The following BCAS3 variants were observed in gnomAD, a reference collection of about 807,000 sequenced individuals.
BCAS3 encodes BCAS3 microtubule associated cell migration factor, also known as BCAS4/BCAS3 fusion.
In BCAS3, 53 loss-of-function variants were observed where a neutral mutation model predicts 116.1. The observed-to-expected ratio is 0.46, with a 90% confidence interval of 0.37 to 0.57. The LOEUF (loss-of-function observed/expected upper bound fraction) is 0.57, where lower values mean the gene tolerates loss of function less well. Among genes scored for constraint, BCAS3 ranks in the 20% least tolerant of loss-of-function variants. The pLI, the probability that BCAS3 is intolerant of heterozygous loss-of-function variation, is 0.00. For synonymous variants in BCAS3, 391 were observed against 408.2 expected (o/e 0.96, Z 0.51); for missense variants, 917 against 1,165.4 (o/e 0.79, Z 3.10).
chr17:61,133,408 A>C (rs1026443597), intron 22 of BCAS3, among the ~76,000 whole-genome samples: 1 of 152,172 alleles, frequency 6.6e-6, no homozygotes, highest in Non-Finnish European at 1.5e-5. Flanking sequence ...CAAGTTCTGT[A>C]GGAAAAAACA....
intron 19 of BCAS3, among the ~76,000 whole-genome samples, chr17:61,052,899 G>A (rs1314560181): frequency 6.6e-6 from 1 of 151,280 alleles, no homozygotes; most frequent in Non-Finnish European, 1.5e-5. Context: ...TTTATTTTTA[G>A]TAGGGACAGG....
chr17:61,292,202 AC>A (rs2144707999), intron 22 of BCAS3, among the ~76,000 whole-genome samples: 1 of 152,174 alleles, frequency 6.6e-6, no homozygotes, highest in East Asian at 1.9e-4. Flanking sequence ...TTCTAGGATC[AC>A]CCCAATGTTT....
At chr17:61,373,826 T>C (rs1204238914) in intron 23 of BCAS3, among the ~76,000 whole-genome samples, 49 of 141,544 alleles carry the variant, frequency 3.5e-4, no homozygotes, top group Non-Finnish European at 6.1e-4. Flanking sequence ...TTTTTTTTTT[T>C]TTGCTCTGTC....
At chr17:61,193,512 C>G (rs1339946273) in intron 22 of BCAS3, among the ~76,000 whole-genome samples, 1 of 152,006 alleles carries the variant, frequency 6.6e-6, no homozygotes, top group Non-Finnish European at 1.5e-5. Flanking sequence ...AATCCCAGCA[C>G]TTTGGGAGGC....
At chr17:60,867,413 G>GT (rs1215375578) in intron 7 of BCAS3, among the ~76,000 whole-genome samples, 1 of 151,780 alleles carries the variant, frequency 6.6e-6, no homozygotes, top group Non-Finnish European at 1.5e-5. Flanking sequence ...GCCTACGTAG[G>GT]TTTTTAAAAA....
At chr17:61,268,836 G>A (rs930879434) in intron 22 of BCAS3, among the ~76,000 whole-genome samples, 1 of 152,120 alleles carries the variant, frequency 6.6e-6, no homozygotes, top group Non-Finnish European at 1.5e-5. Context: ...GGGATTACAG[G>A]CGTGAGCCAC....
chr17:61,040,992 C>G (rs986945298), intron 19 of BCAS3, 100 bp downstream of exon 19: 1 of 953,472 alleles, frequency 1.0e-6, no homozygotes, highest in Non-Finnish European at 1.6e-6. Flanking sequence ...GTCCATAGGC[C>G]ATGGGCCTTA....
In BCAS3 at chr17:61,026,113, C is replaced by G. The variant is rs1039402497; in HGVS notation, c.1638-8553C>G. Among the ~76,000 whole-genome samples the G allele has an allele frequency of 2.2e-4, 33 of 152,048 alleles. No individual in the cohort carries two copies. The highest frequency in any genetic ancestry group is 7.4e-5 in the Non-Finnish European group (5 of 67,942). The stretch of plus-strand genomic sequence containing the variant: ...CATGGCATATCTTAAATGCTAGGAA[C>G]AGAATTTTGAGAAGAAATATGTATA... On this transcript the variant is annotated intron_variant, in intron 16 of 23. Transcript: ENST00000407086. The surrounding 1 kb of genome is among the most constrained non-coding windows in gnomAD (Gnocchi z 5.0).
At chr17:60,793,449 G>A (rs59773459) in intron 6 of BCAS3, among the ~76,000 whole-genome samples, 2,041 of 152,012 alleles carry the variant, frequency 0.013, 50 homozygotes, top group African/African-American at 0.047. Flanking sequence ...GTGGTATTTG[G>A]TTACATGAGT....
intron 22 of BCAS3, among the ~76,000 whole-genome samples, chr17:61,284,681 C>G (rs1171593322): frequency 6.6e-6 from 1 of 150,470 alleles, no homozygotes; most frequent in Non-Finnish European, 1.5e-5. Context: ...TTTTTTCCCT[C>G]CTGCTGTTTA....
intron 6 of BCAS3, among the ~76,000 whole-genome samples, chr17:60,800,104 A>C (rs778825485): frequency 1.3e-5 from 2 of 152,054 alleles, no homozygotes; most frequent in Admixed American, 6.6e-5. Flanking sequence ...AAGTACTGTG[A>C]TTGCTGGGAT....
At chr17:60,712,376 G>T (rs2038041864) in intron 5 of BCAS3, among the ~76,000 whole-genome samples, 1 of 145,730 alleles carries the variant, frequency 6.9e-6, no homozygotes, top group Admixed American at 6.6e-5. Context: ...ATCTTGTCTT[G>T]GGAAGGAAAA....
chr17:60,839,582 A>G (rs1383237689), intron 7 of BCAS3, among the ~76,000 whole-genome samples: 1 of 152,152 alleles, frequency 6.6e-6, no homozygotes, highest in African/African-American at 2.4e-5. Context: ...TTTAGCTTTT[A>G]ATATGGTTAC....
intron 22 of BCAS3, among the ~76,000 whole-genome samples, chr17:61,238,291 T>C (rs988037956): frequency 4.0e-5 from 6 of 151,702 alleles, no homozygotes; most frequent in African/African-American, 1.5e-4. Flanking sequence ...GGCATGATCT[T>C]GGCTCACTGC....
intron 16 of BCAS3, among the ~76,000 whole-genome samples, chr17:61,031,284 G>A (rs542932221): frequency 3.0e-4 from 45 of 152,096 alleles, no homozygotes; most frequent in Admixed American, 1.4e-3. Flanking sequence ...ATACATTCAC[G>A]TATGTATCAT....
chr17:60,776,486 C>T (rs539063510), intron 6 of BCAS3, among the ~76,000 whole-genome samples: 2 of 151,814 alleles, frequency 1.3e-5, no homozygotes, highest in South Asian at 2.1e-4. Context: ...TTTGGGAGAC[C>T]GAGGCTGGCG....
At chr17:60,698,160 T>A (rs1400051045) in intron 4 of BCAS3, among the ~76,000 whole-genome samples, 1 of 118,648 alleles carries the variant, frequency 8.4e-6, no homozygotes, top group African/African-American at 3.5e-5. Flanking sequence ...CTGGCCTGGG[T>A]GACAGAGCGA....
At chr17:60,996,011 G>A (rs1179519810) in intron 15 of BCAS3, among the ~76,000 whole-genome samples, 1 of 152,194 alleles carries the variant, frequency 6.6e-6, no homozygotes, top group Non-Finnish European at 1.5e-5. Flanking sequence ...AAATCCTGAG[G>A]TGGGAGTGTG....
At chr17:61,014,905 A>G (rs982194813) in intron 15 of BCAS3, among the ~76,000 whole-genome samples, 1 of 152,208 alleles carries the variant, frequency 6.6e-6, no homozygotes, top group Non-Finnish European at 1.5e-5. Context: ...AAAAAGAATG[A>G]AATAATTAGT....
Sources: gnomAD v4.1 joint callset for allele counts (sites outside exome capture counted in the v4.1 genomes callset) on GRCh38, gnomAD v4.1.1 for gene constraint, Gnocchi (gnomAD v3.1) non-coding constraint, MANE v1.5 for transcripts, NCBI Gene and HGNC (gene_info 2026-07-23, HGNC 2026-07-21) for gene names.